The following CD200 variants were observed in gnomAD, a reference collection of about 807,000 sequenced individuals.
CD200 encodes the protein CD200 molecule.
Under a neutral mutation model 30.9 loss-of-function variants are expected in CD200, and 15 were observed. That is an observed-to-expected ratio of 0.49 (90% CI 0.32 to 0.75). The LOEUF (loss-of-function observed/expected upper bound fraction) is 0.75, where lower values mean the gene tolerates loss of function less well. Ranked by LOEUF, CD200 falls within the 30% of genes least tolerant of loss-of-function variation. CD200 has a pLI of 0.03. For missense variants in CD200, 262 were observed against 324.2 expected (o/e 0.81, Z 1.47); for synonymous variants, 134 against 126.2 (o/e 1.06, Z -0.41).
At chr3:112,333,687 A>G (rs1010487987) in intron 1 of CD200, 2 of 985,338 alleles carry the variant, frequency 2.0e-6, no homozygotes, top group Admixed American at 1.2e-4. Flanking sequence ...ACAGATTTCC[A>G]GGCTCGCTTT....
In CD200 at chr3:112,347,826, C is replaced by A. The variant is rs2081435258; in HGVS notation, c.690C>A (p.Asn230Lys). The A allele has an allele frequency of 6.2e-7, 1 of 1,612,504 alleles. No individual in the cohort carries two copies. Among genetic ancestry groups the A allele is most frequent in the Admixed American group, 1.7e-5 (1 of 59,956 alleles). Residue 230 changes from asparagine (N) to lysine (K), a missense_variant, in exon 4 of 6, where the codon AAC (asparagine) becomes AAA (lysine). Asn to Lys is a moderately conservative substitution (Grantham distance 94). Transcript: ENST00000315711. ...TGACCGACTTTAAGCAAACCGTCAA[C>A]AAAGGTAAGAGAAAGTGAGCAAGGT... is the stretch of plus-strand genomic sequence containing the variant. ...GTVTDFKQTV[N>K]KGYWFSVPLL...
At chr3:112,332,854 C>T (rs1012209510), upstream of CD200, 5 of 268,614 alleles carry the variant, frequency 1.9e-5, no homozygotes, top group South Asian at 5.8e-5. Context: ...AGGTCAACAA[C>T]TGATCTCCAC....
intron 5 of CD200, among the ~76,000 whole-genome samples, chr3:112,357,126 T>C (rs1375262214): frequency 1.3e-5 from 2 of 151,264 alleles, no homozygotes; most frequent in Non-Finnish European, 2.9e-5. Context: ...CCGGGCGTGA[T>C]GGTGGGCGCC....
At chr3:112,361,069 T>G (rs867646438) in intron 5 of CD200, among the ~76,000 whole-genome samples, 13 of 152,284 alleles carry the variant, frequency 8.5e-5, no homozygotes, top group Middle Eastern at 3.4e-3. Flanking sequence ...AGTGTCTTGC[T>G]ATATTGCCTG....
rs2081435003 is a variant in CD200 at position 112,347,819 on chromosome 3, C to A, written c.683C>A (p.Thr228Asn). The A allele has an allele frequency of 6.2e-7, 1 of 1,612,884 alleles. No individual in the cohort carries two copies. The highest frequency in any genetic ancestry group is 8.5e-7 in the Non-Finnish European group (1 of 1,179,596). Residue 228 changes from threonine (T) to asparagine (N), a missense_variant, in exon 4 of 6, where the codon ACC becomes AAC. Coordinates refer to ENST00000315711, the MANE Select transcript of CD200 (RefSeq NM_005944.7). The stretch of plus-strand genomic sequence containing the variant: ...GGGACTGTGACCGACTTTAAGCAAA[C>A]CGTCAACAAAGGTAAGAGAAAGTGA... Reference protein sequence around the residue: ...HLGTVTDFKQTVNKGYWFSVP... With the variant: ...HLGTVTDFKQNVNKGYWFSVP...
intron 5 of CD200, among the ~76,000 whole-genome samples, chr3:112,352,507 G>T (rs941236895): frequency 6.6e-6 from 1 of 151,470 alleles, no homozygotes; most frequent in Non-Finnish European, 1.5e-5. Flanking sequence ...AAATGGTGAT[G>T]TGAACAGAAA....
chr3:112,353,912 T>G lies in CD200; in HGVS notation c.802+4093T>G, dbSNP rs558384940. ...TCCAGGAGGAAGAAATGTGATGCTT[T>G]ACATGAGAAAAGCGATAAAGAATCT... On this transcript the variant is annotated intron_variant, in intron 5 of 5. Transcript: ENST00000315711. 1.6e-3 allele frequency among the ~76,000 whole-genome samples: 241 copies of G among 152,296 alleles called. 1 individual carries two copies. The highest frequency in any genetic ancestry group is 2.8e-3 in the Non-Finnish European group (192 of 68,016).
chr3:112,355,870 A>T (rs888034435), intron 5 of CD200, among the ~76,000 whole-genome samples: 1 of 150,640 alleles, frequency 6.6e-6, no homozygotes, highest in Admixed American at 6.7e-5. Context: ...ATATCAGAAA[A>T]AAATTAAGAA....
chr3:112,340,478 A>G (rs1367936753), intron 1 of CD200, among the ~76,000 whole-genome samples: 1 of 152,250 alleles, frequency 6.6e-6, no homozygotes, highest in Non-Finnish European at 1.5e-5. Context: ...AATGTTCTTG[A>G]AAAGTGGTTA....
intron 1 of CD200, among the ~76,000 whole-genome samples, chr3:112,337,325 G>A (rs965580029): frequency 6.6e-6 from 1 of 152,160 alleles, no homozygotes; most frequent in African/African-American, 2.4e-5. Context: ...CAAGATGACT[G>A]TAATCAGGCT....
intron 5 of CD200, among the ~76,000 whole-genome samples, chr3:112,353,612 A>G (rs2081576162): frequency 6.6e-6 from 1 of 151,982 alleles, no homozygotes; most frequent in South Asian, 2.1e-4. Context: ...CTTAATACAA[A>G]CAACAAAGGT....
chr3:112,332,853 A>G (rs146156751), upstream of CD200: 286 of 271,892 alleles, frequency 1.1e-3, no homozygotes, highest in Admixed American at 1.6e-3. Context: ...CAGGTCAACA[A>G]CTGATCTCCA....
chr3:112,342,361 CTTTCTTTCTTTCTTTCTTTCTTTCTTTCT>C, intron 2 of CD200, among the ~76,000 whole-genome samples: 1 of 19,864 alleles, frequency 5.0e-5, no homozygotes, highest in African/African-American at 1.8e-4. Flanking sequence ...TTCTTTCTTT[CTTTCTTTCTTTCTTTCTTTCTTTCTTTCT>C]TTCTTTCTTT....
rs115737691 is a variant in CD200, at chr3:112,344,816, C to T, written c.95-146C>T. ...GAACCTATATATTTCTCTGGCATCA[C>T]GTAGGAATGTAAATAAATGTTTTCT... is the stretch of plus-strand genomic sequence containing the variant. On this transcript the variant is annotated intron_variant, in intron 2 of 5. Coordinates refer to ENST00000315711, the MANE Select transcript of CD200 (RefSeq NM_005944.7). 2,479 of 634,884 alleles carry T rather than the reference C, an allele frequency of 3.9e-3. 48 individuals carry two copies. Among genetic ancestry groups the T allele is most frequent in the African/African-American group, 0.039 (2,124 of 54,556 alleles). The allele number at this position is 634,884 out of a possible 1,614,324, so 39.3% of individuals were successfully genotyped here.
intron 1 of CD200, chr3:112,334,093 G>C (rs2081059428): frequency 1.0e-6 from 1 of 985,276 alleles, no homozygotes; most frequent in Non-Finnish European, 1.2e-6. Flanking sequence ...TGTGAGCTAC[G>C]GTCTACTGCA....
chr3:112,346,100 G>T (rs1288050077), intron 3 of CD200, among the ~76,000 whole-genome samples: 2 of 151,740 alleles, frequency 1.3e-5, no homozygotes, highest in African/African-American at 4.9e-5. Context: ...AGATGAGAAT[G>T]CAAGGGAGAT....
At chr3:112,342,271 GTCCTTCCTTCCT>G (rs745418625) in intron 2 of CD200, among the ~76,000 whole-genome samples, 2 of 75,634 alleles carry the variant, frequency 2.6e-5, no homozygotes, top group Non-Finnish European at 5.2e-5. Context: ...TCTGAGAACT[GTCCTTCCTTCCT>G]TCCTTCCTTC....
intron 4 of CD200, 92 bp from the exon 5 acceptor site, chr3:112,349,620 A>T: frequency 1.1e-6 from 1 of 935,162 alleles, no homozygotes; most frequent in Non-Finnish European, 1.6e-6. Context: ...GTATGTATTT[A>T]AGGATAATTT....
chr3:112,339,906 T>C (rs2081199743), intron 1 of CD200, among the ~76,000 whole-genome samples: 1 of 152,192 alleles, frequency 6.6e-6, no homozygotes, highest in African/African-American at 2.4e-5. Context: ...TCCTGTCTCA[T>C]AGCTGGGCAT....
Sources: allele counts gnomAD v4.1 joint callset (sites outside exome capture counted in the v4.1 genomes callset), GRCh38; gene constraint gnomAD v4.1.1; transcripts MANE v1.5; gene names NCBI Gene and HGNC (gene_info 2026-07-23, HGNC 2026-07-21).